The following CHLSN variants were observed in gnomAD, a reference collection of about 807,000 sequenced individuals.
CHLSN encodes cholesin, also known as protein cholesin.
chr7:1,002,548 G>C, the CHLSN span, among the ~76,000 whole-genome samples: 1 of 96,334 alleles, frequency 1.0e-5, no homozygotes. Flanking sequence ...GAGCCCTGTG[G>C]GTGAGTGGAG....
At chr7:1,090,320 C>T in the CHLSN span, among the ~76,000 whole-genome samples, 2 of 152,214 alleles carry the variant, frequency 1.3e-5, no homozygotes, top group African/African-American at 4.8e-5. Context: ...CCAGTGTCTG[C>T]AGGCTGAGAC....
chr7:1,100,364 G>A, the CHLSN span, among the ~76,000 whole-genome samples: 411 of 152,336 alleles, frequency 2.7e-3, 2 homozygotes, highest in African/African-American at 9.1e-3. Context: ...CAATTCTCTG[G>A]GAGAGAGTGG....
At chr7:1,136,008 A>T in the CHLSN span, among the ~76,000 whole-genome samples, 11 of 120,618 alleles carry the variant, frequency 9.1e-5, no homozygotes, top group South Asian at 4.6e-4. Flanking sequence ...TATATATATA[A>T]AATATATATG....
At chr7:1,093,158 G>A in the CHLSN span, 13 of 591,410 alleles carry the variant, frequency 2.2e-5, no homozygotes, top group African/African-American at 1.3e-4. Flanking sequence ...CCTGCCTGCC[G>A]CTGCACCTGC....
At chr7:1,102,805 A>T in the CHLSN span, among the ~76,000 whole-genome samples, 2 of 152,220 alleles carry the variant, frequency 1.3e-5, no homozygotes, top group Non-Finnish European at 2.9e-5. Context: ...CACGGGCAAG[A>T]AAGCAAGCAC....
At chr7:1,104,057 C>A in the CHLSN span, among the ~76,000 whole-genome samples, 162 of 152,370 alleles carry the variant, frequency 1.1e-3, no homozygotes, top group African/African-American at 3.5e-3. Flanking sequence ...CCAGGCTCTG[C>A]CATGGCACCC....
chr7:1,064,668 C>T, the CHLSN span, among the ~76,000 whole-genome samples: 1 of 152,230 alleles, frequency 6.6e-6, no homozygotes, highest in African/African-American at 2.4e-5. Context: ...TCCACCCAAA[C>T]TAGCGTGGTG....
the CHLSN span, among the ~76,000 whole-genome samples, chr7:1,015,934 TCCTGACGCCCCTCAGTGAC>T: frequency 1.3e-5 from 2 of 151,826 alleles, no homozygotes; most frequent in African/African-American, 4.8e-5. Flanking sequence ...ACGGAAATAC[TCCTGACGCCCCTCAGTGAC>T]CCTGGACCGG....
chr7:1,052,245 G>A, the CHLSN span, among the ~76,000 whole-genome samples: 46 of 152,238 alleles, frequency 3.0e-4, no homozygotes, highest in African/African-American at 7.0e-4. The surrounding 1 kb of genome is among the most constrained non-coding windows in gnomAD (Gnocchi z 4.2). Context: ...CGCCTGCGTC[G>A]AGGCGTGCCC....
chr7:1,039,151 CT>C, the CHLSN span, among the ~76,000 whole-genome samples: 1 of 35,720 alleles, frequency 2.8e-5, no homozygotes, highest in Non-Finnish European at 5.4e-5. Flanking sequence ...TGAGGAGCCC[CT>C]CTGCCCGGCC....
At chr7:996,721 C>CA in the CHLSN span, among the ~76,000 whole-genome samples, 3 of 152,256 alleles carry the variant, frequency 2.0e-5, no homozygotes, top group East Asian at 5.8e-4. Context: ...CACTTGGGGG[C>CA]AGGGACCACG....
the CHLSN span, among the ~76,000 whole-genome samples, chr7:1,135,671 G>T: frequency 6.6e-6 from 1 of 150,836 alleles, no homozygotes; most frequent in African/African-American, 2.4e-5. Flanking sequence ...GGAGGCTGAG[G>T]CAGGAGAATC....
At chr7:1,092,483 C>T in the CHLSN span, 1 of 1,607,718 alleles carries the variant, frequency 6.2e-7, no homozygotes, top group Non-Finnish European at 8.5e-7. Flanking sequence ...GGGCTGCGGC[C>T]CCGGCGGCAG....
the CHLSN span, chr7:1,127,124 C>CG: frequency 1.9e-6 from 2 of 1,027,198 alleles, no homozygotes; most frequent in Non-Finnish European, 2.7e-6. Flanking sequence ...AGGCACCAAG[C>CG]CCCACCACGC....
chr7:1,051,450 A>G, the CHLSN span, among the ~76,000 whole-genome samples: 1 of 151,996 alleles, frequency 6.6e-6, no homozygotes, highest in Admixed American at 6.5e-5. Flanking sequence ...CTGGCTGTAC[A>G]CTCTGAGGCC....
chr7:1,028,721 C>T, the CHLSN span: 1 of 745,710 alleles, frequency 1.3e-6, no homozygotes, highest in East Asian at 1.5e-4. Flanking sequence ...CTCATCTCCC[C>T]CAATCTGCCC....
At chr7:1,111,507 TCA>T in the CHLSN span, among the ~76,000 whole-genome samples, 1 of 152,234 alleles carries the variant, frequency 6.6e-6, no homozygotes, top group Non-Finnish European at 1.5e-5. Flanking sequence ...TTGCTTAAAG[TCA>T]CAGTTTCTGG....
the CHLSN span, among the ~76,000 whole-genome samples, chr7:1,111,435 A>G: frequency 6.6e-6 from 1 of 152,316 alleles, no homozygotes; most frequent in Non-Finnish European, 1.5e-5. Flanking sequence ...ATTCTCATCC[A>G]TGGCATAACA....
the CHLSN span, chr7:1,082,370 C>T: frequency 6.6e-6 from 1 of 152,384 alleles, no homozygotes; most frequent in East Asian, 1.9e-4. Context: ...GCTTGTGAGG[C>T]ACATCACAAT....
Sources: gnomAD v4.1 joint callset for allele counts (sites outside exome capture counted in the v4.1 genomes callset) on GRCh38, gnomAD v4.1.1 for gene constraint, Gnocchi (gnomAD v3.1) non-coding constraint, MANE v1.5 for transcripts, NCBI Gene and HGNC (gene_info 2026-07-23, HGNC 2026-07-21) for gene names.